LRMDA: variants seen among roughly 807,000 people sequenced by gnomAD.
LRMDA encodes the protein leucine rich melanocyte differentiation associated, also known as leucine-rich melanocyte differentiation-associated protein.
In LRMDA, 18 loss-of-function variants were observed where a neutral mutation model predicts 29.8. The observed-to-expected ratio is 0.60, with a 90% confidence interval of 0.42 to 0.90. The LOEUF is 0.90. Ranked by LOEUF, LRMDA falls within the 40% of genes least tolerant of loss-of-function variation. LRMDA has a pLI of 0.00. For synonymous variants in LRMDA, 125 were observed against 109.4 expected, an observed-to-expected ratio of 1.14 and a Z score of -0.89; for missense variants, 273 against 273.9, an observed-to-expected ratio of 1.00 and a Z score of 0.02.
At chr10:76,337,050 G>C (rs1840978326) in intron 6 of LRMDA, among the ~76,000 whole-genome samples, 1 of 152,098 alleles carries the variant, frequency 6.6e-6, no homozygotes, top group African/African-American at 2.4e-5. Context: ...AGATAGGGCA[G>C]TGAATGTTGG....
chr10:75,650,977 G>A (rs1438765162), intron 2 of LRMDA, among the ~76,000 whole-genome samples: 1 of 152,118 alleles, frequency 6.6e-6, no homozygotes, highest in African/African-American at 2.4e-5. Flanking sequence ...GCCTCTTTGT[G>A]TCATTCACAT....
chr10:75,943,059 G>A lies in LRMDA; in HGVS notation c.132-92949G>A, dbSNP rs976605275. ...TGTCTCCGAGTAGGTTAGGAACAGG[G>A]ATCCAAGGGAGTCTGGTTCCAGGAT... On this transcript the variant is annotated intron_variant, in intron 2 of 6. Coordinates refer to ENST00000611255, the MANE Select transcript of LRMDA (RefSeq NM_001305581.2). Among the ~76,000 whole-genome samples the A allele has an allele frequency of 1.5e-4, 23 of 151,954 alleles. No individual in the cohort carries two copies. The South Asian group carries it at 2.1e-3, about 14-fold the overall frequency.
chr10:75,488,008 C>G (rs1264969443), intron 2 of LRMDA, among the ~76,000 whole-genome samples: 10 of 152,192 alleles, frequency 6.6e-5, no homozygotes, highest in Admixed American at 6.5e-4. Flanking sequence ...TGTATCAACT[C>G]ATGTGTCAGT....
At chr10:75,853,210 G>GT (rs1844762711) in intron 2 of LRMDA, among the ~76,000 whole-genome samples, 1 of 152,138 alleles carries the variant, frequency 6.6e-6, no homozygotes, top group South Asian at 2.1e-4. Context: ...TGAAGATAGG[G>GT]TTTTTAAGGA....
At chr10:75,563,542 T>C (rs1303192846) in intron 2 of LRMDA, among the ~76,000 whole-genome samples, 1 of 152,200 alleles carries the variant, frequency 6.6e-6, no homozygotes, top group Non-Finnish European at 1.5e-5. Flanking sequence ...TCAAAGTCAT[T>C]CTCCGTCCAG....
At chr10:75,883,475 TTGTC>T (rs1845327711) in intron 2 of LRMDA, 1 of 152,198 alleles carries the variant, frequency 6.6e-6, no homozygotes. Context: ...GCAGTGGCCT[TTGTC>T]TGCACCCATC....
chr10:76,152,050 T>C (rs1564668156), intron 5 of LRMDA, among the ~76,000 whole-genome samples: 1 of 152,172 alleles, frequency 6.6e-6, no homozygotes, highest in African/African-American at 2.4e-5. Flanking sequence ...AATTCTTCGT[T>C]TTTAAGTATC....
At chr10:76,303,714 CT>C (rs3066443) in intron 5 of LRMDA, among the ~76,000 whole-genome samples, 37,310 of 141,936 alleles carry the variant, frequency 0.26, 5,919 homozygotes, top group East Asian at 0.45. Flanking sequence ...GATTGCCACT[CT>C]TTTTTTTTTT....
At chr10:75,963,761 G>A (rs1015606889) in intron 2 of LRMDA, among the ~76,000 whole-genome samples, 3 of 152,218 alleles carry the variant, frequency 2.0e-5, no homozygotes, top group Non-Finnish European at 4.4e-5. Flanking sequence ...AGATGGCAGT[G>A]CTTTGAACAA....
At chr10:75,478,033 C>A (rs549575583) in intron 2 of LRMDA, among the ~76,000 whole-genome samples, 1 of 152,206 alleles carries the variant, frequency 6.6e-6, no homozygotes, top group Non-Finnish European at 1.5e-5. Flanking sequence ...GAGGCACAGC[C>A]TCTGCTGAGG....
intron 5 of LRMDA, among the ~76,000 whole-genome samples, chr10:76,064,148 CT>C (rs1319487345): frequency 2.6e-5 from 4 of 152,186 alleles, no homozygotes; most frequent in Non-Finnish European, 4.4e-5. Context: ...TGCCTTTAGA[CT>C]GTGTGTTAAT....
rs142918879 is a variant in LRMDA at position 76,062,416 on chromosome 10, G to C, written c.516+3633G>C. Among the ~76,000 whole-genome samples, 5 of 152,326 alleles carry C rather than the reference G, an allele frequency of 3.3e-5. No individual in the cohort carries two copies. The East Asian group carries it at 9.7e-4, about 29-fold the overall frequency. ...ACACAAATGCAGAACCATCCAGGAGGTAATAAAGGCCCGATGTCGCAGAGG... is the reference window on the plus strand; with the variant it reads ...ACACAAATGCAGAACCATCCAGGAGCTAATAAAGGCCCGATGTCGCAGAGG... On this transcript the variant is annotated intron_variant, in intron 5 of 6. Coordinates refer to ENST00000611255, the MANE Select transcript of LRMDA (RefSeq NM_001305581.2).
chr10:75,735,267 A>G (rs1167827392), intron 2 of LRMDA, among the ~76,000 whole-genome samples: 1 of 152,172 alleles, frequency 6.6e-6, no homozygotes, highest in African/African-American at 2.4e-5. Flanking sequence ...GCATTAATCT[A>G]CCAATGTTAT....
intron 2 of LRMDA, among the ~76,000 whole-genome samples, chr10:75,802,997 T>G (rs1460890354): frequency 2.7e-5 from 4 of 150,942 alleles, no homozygotes; most frequent in African/African-American, 9.7e-5. Flanking sequence ...TTAGCTCCCT[T>G]TACTTCTACC....
intron 6 of LRMDA, among the ~76,000 whole-genome samples, chr10:76,534,475 G>A (rs966699618): frequency 3.9e-5 from 6 of 152,190 alleles, no homozygotes; most frequent in Non-Finnish European, 7.3e-5. Flanking sequence ...GGACTCAATA[G>A]GAGAAGGCAG....
rs538558104 is a variant in LRMDA at position 76,277,893 on chromosome 10, A to G, written c.517-46508A>G. ...TCATCTGACATTCTGTTAAACCTTC[A>G]TTAGGGTTTACTTTTGGGCTTTGGA... On this transcript the variant is annotated intron_variant, in intron 5 of 6. Coordinates refer to ENST00000611255, the MANE Select transcript of LRMDA (RefSeq NM_001305581.2). Among the ~76,000 whole-genome samples, 6 of 152,284 alleles carry G rather than the reference A, an allele frequency of 3.9e-5. No homozygotes were observed. In the South Asian group the frequency reaches 8.3e-4, roughly 21 times the overall value.
chr10:75,585,984 G>A (rs1455058790), intron 2 of LRMDA, among the ~76,000 whole-genome samples: 1 of 152,132 alleles, frequency 6.6e-6, no homozygotes, highest in Admixed American at 6.5e-5. Context: ...GTTCATCCAT[G>A]TTGTTGCATA....
chr10:76,052,487 C>T (rs1242462875), intron 4 of LRMDA, among the ~76,000 whole-genome samples: 1 of 152,124 alleles, frequency 6.6e-6, no homozygotes, highest in Admixed American at 6.5e-5. Flanking sequence ...GGGGAAAGAA[C>T]ATCCTCCTCT....
At chr10:76,044,288 G>C (rs1048285954) in intron 3 of LRMDA, among the ~76,000 whole-genome samples, 1 of 152,108 alleles carries the variant, frequency 6.6e-6, no homozygotes, top group Non-Finnish European at 1.5e-5. Context: ...CTAGGTCCAG[G>C]CCTGGGGTAC....
Sources: allele counts gnomAD v4.1 joint callset (sites outside exome capture counted in the v4.1 genomes callset), GRCh38; gene constraint gnomAD v4.1.1; transcripts MANE v1.5; gene names NCBI Gene and HGNC (gene_info 2026-07-23, HGNC 2026-07-21).